CCDC85A: variants seen among roughly 807,000 people sequenced by gnomAD.
CCDC85A encodes coiled-coil domain-containing protein 85A.
Under a neutral mutation model 50.2 loss-of-function variants are expected in CCDC85A, and 38 were observed. The ratio of observed to expected loss-of-function variants is 0.76; its 90% CI spans 0.58 to 0.99. The LOEUF is 0.99. Ranked by LOEUF, CCDC85A falls within the 50% of genes least tolerant of loss-of-function variation. The pLI is 0.00. For synonymous variants in CCDC85A, 366 were observed against 301.4 expected (o/e 1.21, Z -2.22); for missense variants, 820 against 742.0 (o/e 1.11, Z -1.22).
chr2:56,281,459 A>G (rs538411280), intron 2 of CCDC85A, among the ~76,000 whole-genome samples: 3 of 152,152 alleles, frequency 2.0e-5, no homozygotes, highest in Non-Finnish European at 4.4e-5. Flanking sequence ...ATTGCAAGTC[A>G]TAGGGTAGGT....
chr2:56,243,425 A>G (rs1388359203), intron 2 of CCDC85A, among the ~76,000 whole-genome samples: 1 of 152,030 alleles, frequency 6.6e-6, no homozygotes, highest in Non-Finnish European at 1.5e-5. Flanking sequence ...AGACACTCTG[A>G]TGCGTTCTTC....
At chr2:56,191,944 A>G (rs1348418571) in intron 1 of CCDC85A, among the ~76,000 whole-genome samples, 1 of 152,154 alleles carries the variant, frequency 6.6e-6, no homozygotes, top group Non-Finnish European at 1.5e-5. Context: ...CACAGGTCAC[A>G]AGCAGTTATT....
At chr2:56,265,302 G>A (rs1670389443) in intron 2 of CCDC85A, among the ~76,000 whole-genome samples, 1 of 152,194 alleles carries the variant, frequency 6.6e-6, no homozygotes, top group Admixed American at 6.5e-5. Context: ...TCTATGGAGA[G>A]TTCTGCCTGT....
intron 5 of CCDC85A, among the ~76,000 whole-genome samples, chr2:56,382,530 T>G (rs977743592): frequency 6.6e-6 from 1 of 151,990 alleles, no homozygotes; most frequent in African/African-American, 2.4e-5. Context: ...AGTAGTTGTT[T>G]TATTTTAGGT....
intron 2 of CCDC85A, among the ~76,000 whole-genome samples, chr2:56,285,487 T>C (rs888189006): frequency 1.3e-4 from 18 of 135,666 alleles, no homozygotes; most frequent in African/African-American, 4.0e-4. Context: ...ATATTAATAT[T>C]ACATTAATAA....
intron 2 of CCDC85A, among the ~76,000 whole-genome samples, chr2:56,283,428 G>A (rs1015664026): frequency 2.6e-5 from 4 of 152,076 alleles, no homozygotes; most frequent in South Asian, 2.1e-4. Flanking sequence ...CACTTTGACT[G>A]TTCAAACTTA....
chr2:56,300,917 T>C (rs2104187876), intron 2 of CCDC85A, among the ~76,000 whole-genome samples: 1 of 152,304 alleles, frequency 6.6e-6, no homozygotes, highest in African/African-American at 2.4e-5. Flanking sequence ...ATCATATTTA[T>C]TTTTCCTACA....
chr2:56,313,782 G>A (rs889152640), intron 2 of CCDC85A, among the ~76,000 whole-genome samples: 4 of 149,494 alleles, frequency 2.7e-5, no homozygotes, highest in Non-Finnish European at 5.9e-5. Context: ...ATAGCTCAGT[G>A]GGCAGCAGAA....
chr2:56,235,164 C>T (rs927232490), intron 2 of CCDC85A: 1 of 152,106 alleles, frequency 6.6e-6, no homozygotes, highest in Non-Finnish European at 1.5e-5. Flanking sequence ...ATACTTATCC[C>T]TAATCTGCAA....
At chr2:56,259,354 G>C (rs1490841210) in intron 2 of CCDC85A, among the ~76,000 whole-genome samples, 1 of 152,134 alleles carries the variant, frequency 6.6e-6, no homozygotes, top group African/African-American at 2.4e-5. Flanking sequence ...AGAAAGCTGT[G>C]ACCAAGGAGC....
At chr2:56,217,298 G>C (rs1318107716) in intron 2 of CCDC85A, among the ~76,000 whole-genome samples, 1 of 151,810 alleles carries the variant, frequency 6.6e-6, no homozygotes, top group East Asian at 1.9e-4. Context: ...GCCTCCCCCT[G>C]GAGGCCTAAT....
At chr2:56,224,194 T>A (rs1668448572) in intron 2 of CCDC85A, among the ~76,000 whole-genome samples, 1 of 152,196 alleles carries the variant, frequency 6.6e-6, no homozygotes, top group Admixed American at 6.5e-5. Flanking sequence ...TTATGGACAT[T>A]TCATATAAGT....
intron 2 of CCDC85A, among the ~76,000 whole-genome samples, chr2:56,251,136 A>G (rs927947191): frequency 3.9e-5 from 6 of 152,148 alleles, no homozygotes; most frequent in Non-Finnish European, 7.3e-5. Flanking sequence ...TATAAATAGT[A>G]CTGCAACAAT....
intron 2 of CCDC85A, among the ~76,000 whole-genome samples, chr2:56,230,069 G>T (rs1177864043): frequency 6.6e-6 from 1 of 152,126 alleles, no homozygotes; most frequent in Non-Finnish European, 1.5e-5. Context: ...TTGGGCAGGG[G>T]GCAACTCATT....
At chr2:56,259,343 G>C (rs531802150) in intron 2 of CCDC85A, among the ~76,000 whole-genome samples, 135 of 152,290 alleles carry the variant, frequency 8.9e-4, no homozygotes, top group African/African-American at 3.2e-3. Flanking sequence ...GGAGACATGA[G>C]AGAAAGCTGT....
chr2:56,314,458 C>T (rs1401468136), intron 2 of CCDC85A, among the ~76,000 whole-genome samples: 1 of 151,910 alleles, frequency 6.6e-6, no homozygotes, highest in African/African-American at 2.4e-5. Context: ...GTAGAGTTTT[C>T]CTTTCCAAAA....
intron 2 of CCDC85A, among the ~76,000 whole-genome samples, chr2:56,214,652 T>C (rs1350608217): frequency 6.6e-6 from 1 of 151,954 alleles, no homozygotes; most frequent in East Asian, 1.9e-4. Flanking sequence ...CTTTATTGAA[T>C]TGACTTTACT....
chr2:56,233,362 C>T (rs1277845801), intron 2 of CCDC85A, among the ~76,000 whole-genome samples: 1 of 152,144 alleles, frequency 6.6e-6, no homozygotes. Flanking sequence ...CTTGTCTCAT[C>T]CTTTGAAGAA....
chr2:56,189,675 A>G (rs1676215708), intron 1 of CCDC85A, among the ~76,000 whole-genome samples: 1 of 152,160 alleles, frequency 6.6e-6, no homozygotes, highest in East Asian at 1.9e-4. Context: ...TTTGGGTATG[A>G]TTAATCCCAT....
Sources: gnomAD v4.1 joint callset for allele counts (sites outside exome capture counted in the v4.1 genomes callset) on GRCh38, gnomAD v4.1.1 for gene constraint, MANE v1.5 for transcripts, NCBI Gene and HGNC (gene_info 2026-07-23, HGNC 2026-07-21) for gene names.